Variants in GSG1L observed in about 807,000 individuals in gnomAD.
GSG1L encodes GSG1 like.
Under a neutral mutation model 42.1 loss-of-function variants are expected in GSG1L, and 24 were observed. The observed-to-expected ratio is 0.57, with a 90% confidence interval of 0.41 to 0.80. The LOEUF (loss-of-function observed/expected upper bound fraction) is 0.80, where lower values mean the gene tolerates loss of function less well. GSG1L is among the 30% of genes least tolerant of loss of function. GSG1L has a pLI of 0.00. For synonymous variants in GSG1L, 215 were observed against 203.5 expected, an observed-to-expected ratio of 1.06 and a Z score of -0.48; for missense variants, 445 against 472.2, an observed-to-expected ratio of 0.94 and a Z score of 0.53.
chr16:27,823,865 C>T (rs138624353), intron 5 of GSG1L: 8,067 of 702,974 alleles, frequency 0.011, 71 homozygotes, highest in Non-Finnish European at 0.015. Flanking sequence ...CACTTACCAG[C>T]TGTGTGACCT....
intron 4 of GSG1L, among the ~76,000 whole-genome samples, chr16:27,843,532 A>G (rs1166235713): frequency 6.8e-6 from 1 of 147,406 alleles, no homozygotes; most frequent in Non-Finnish European, 1.5e-5. Flanking sequence ...AAAAAAAAGG[A>G]AGGCTGGTCT....
intron 4 of GSG1L, 107 bp downstream of exon 4, chr16:27,844,843 T>TCCC: frequency 3.9e-6 from 1 of 258,008 alleles, no homozygotes; most frequent in Non-Finnish European, 8.2e-6. Flanking sequence ...TCTCCCCATT[T>TCCC]CTCCTCCCCC....
chr16:28,009,805 A>G (rs1040232518), intron 1 of GSG1L, among the ~76,000 whole-genome samples: 1 of 152,204 alleles, frequency 6.6e-6, no homozygotes, highest in African/African-American at 2.4e-5. Flanking sequence ...CATCTGTAAA[A>G]TGGGGATTAT....
At chr16:27,826,492 T>C (rs945751748) in intron 5 of GSG1L, among the ~76,000 whole-genome samples, 3 of 152,102 alleles carry the variant, frequency 2.0e-5, no homozygotes, top group African/African-American at 7.2e-5. Context: ...AAGTAGGCCC[T>C]GTGATAAGGA....
At chr16:27,836,964 C>T (rs1210794381) in intron 4 of GSG1L, among the ~76,000 whole-genome samples, 2 of 152,154 alleles carry the variant, frequency 1.3e-5, no homozygotes, top group African/African-American at 4.8e-5. Context: ...GGCTTCCTTT[C>T]ACATCATTCT....
intron 4 of GSG1L, among the ~76,000 whole-genome samples, chr16:27,842,474 C>T (rs974209984): frequency 1.3e-5 from 2 of 152,166 alleles, no homozygotes; most frequent in East Asian, 1.9e-4. Flanking sequence ...GGCACATCAG[C>T]GCTCAGTAAA....
intron 2 of GSG1L, among the ~76,000 whole-genome samples, chr16:27,962,295 G>C (rs1189185491): frequency 6.6e-6 from 1 of 152,204 alleles, no homozygotes; most frequent in East Asian, 1.9e-4. Flanking sequence ...GACTAGTTCT[G>C]GTCAAGGAGA....
At position 27,907,924 on chromosome 16, in the gene GSG1L, C is replaced by T. The variant is rs2084337929; in HGVS notation, c.398-23286G>A. On this transcript the variant is annotated intron_variant, in intron 2 of 6. Transcript: ENST00000447459. Reference sequence around the variant, plus strand: ...GCTCCACAAACTTGTCCCCTGTGACCTTGGCAATTGCATCTGCAGCTTCCC... The same window carrying T: ...GCTCCACAAACTTGTCCCCTGTGACTTTGGCAATTGCATCTGCAGCTTCCC... Among the ~76,000 whole-genome samples, 4 of 152,188 alleles carry T rather than the reference C, an allele frequency of 2.6e-5. 1 individual carries two copies. The highest frequency in any genetic ancestry group is 1.3e-4 in the Admixed American group (2 of 15,276).
intron 1 of GSG1L, among the ~76,000 whole-genome samples, chr16:28,009,328 A>T (rs1265771088): frequency 1.3e-5 from 2 of 152,050 alleles, no homozygotes; most frequent in Non-Finnish European, 2.9e-5. Context: ...GTGCCCTCAA[A>T]GTGGCCTTCC....
intron 3 of GSG1L, among the ~76,000 whole-genome samples, chr16:27,866,285 A>G (rs2083723623): frequency 6.6e-6 from 1 of 152,236 alleles, no homozygotes; most frequent in Admixed American, 6.5e-5. Flanking sequence ...AAATACCATG[A>G]AAGTCTCAGT....
At chr16:27,847,631 AC>A (rs1381258476) in intron 3 of GSG1L, among the ~76,000 whole-genome samples, 1 of 152,106 alleles carries the variant, frequency 6.6e-6, no homozygotes, top group African/African-American at 2.4e-5. Flanking sequence ...CAAATCTCTC[AC>A]CGAATTGTAA....
rs529599334 is a variant in GSG1L at position 28,037,601 on chromosome 16, G to T, written c.349+25475C>A. 2.6e-5 allele frequency among the ~76,000 whole-genome samples: 4 copies of T among 152,134 alleles called. No homozygotes were observed. The East Asian group carries it at 7.7e-4, about 29-fold the overall frequency. The stretch of plus-strand genomic sequence containing the variant: ...AACTCTAGGTCATGCTCTGGTTTGG[G>T]GAAACCACTTTTCACTGTTGATACA... On this transcript the variant is annotated intron_variant, in intron 1 of 6. Coordinates refer to ENST00000447459, the MANE Select transcript of GSG1L (RefSeq NM_001109763.2).
intron 2 of GSG1L, among the ~76,000 whole-genome samples, chr16:27,914,454 T>G (rs769076145): frequency 2.6e-5 from 4 of 152,170 alleles, no homozygotes; most frequent in Admixed American, 2.0e-4. Context: ...TTTCCTGATA[T>G]GCAAAGTGAG....
chr16:27,903,301 T>C (rs918524478), intron 2 of GSG1L, among the ~76,000 whole-genome samples: 3 of 151,910 alleles, frequency 2.0e-5, no homozygotes, highest in Admixed American at 1.3e-4. Flanking sequence ...GGGTACCCAG[T>C]ATTCCCTCTG....
chr16:28,055,005 G>C (rs559340665), intron 1 of GSG1L, among the ~76,000 whole-genome samples: 1 of 152,068 alleles, frequency 6.6e-6, no homozygotes, highest in Non-Finnish European at 1.5e-5. Flanking sequence ...CCTTCCTCAC[G>C]TCACTCTCGT....
chr16:27,797,232 C>G (rs961441920), intron 6 of GSG1L, among the ~76,000 whole-genome samples: 3 of 152,172 alleles, frequency 2.0e-5, no homozygotes, highest in Non-Finnish European at 4.4e-5. Flanking sequence ...CATTAAAAAA[C>G]AATGAAATCT....
At chr16:27,823,878 G>A (rs2083176766) in intron 5 of GSG1L, 4 of 702,976 alleles carry the variant, frequency 5.7e-6, no homozygotes, top group Non-Finnish European at 1.0e-5. Context: ...TGTGACCTGG[G>A]GCAAGTCGCC....
intron 1 of GSG1L, among the ~76,000 whole-genome samples, chr16:27,976,635 G>A (rs771265770): frequency 6.6e-6 from 1 of 152,206 alleles, no homozygotes; most frequent in Non-Finnish European, 1.5e-5. Context: ...ACATTGGGCA[G>A]CCACATTGAG....
chr16:27,903,467 A>C (rs374475730), intron 2 of GSG1L, among the ~76,000 whole-genome samples: 37 of 152,280 alleles, frequency 2.4e-4, no homozygotes, highest in Middle Eastern at 3.4e-3. Context: ...GAGGCAGAGT[A>C]GAGTCGTCCC....
Sources: gnomAD v4.1 joint callset for allele counts (sites outside exome capture counted in the v4.1 genomes callset) on GRCh38, gnomAD v4.1.1 for gene constraint, MANE v1.5 for transcripts, NCBI Gene and HGNC (gene_info 2026-07-23, HGNC 2026-07-21) for gene names.